Variants in PGLYRP3 observed in about 807,000 individuals in gnomAD.
The protein encoded by PGLYRP3 is peptidoglycan recognition protein 3, also known as peptidoglycan recognition protein I alpha.
A neutral mutation model predicts 36.0 loss-of-function variants in PGLYRP3; 39 were observed. The observed-to-expected ratio is 1.08, with a 90% CI of 0.84 to 1.41. The LOEUF (loss-of-function observed/expected upper bound fraction) is 1.41, where lower values mean the gene tolerates loss of function less well. Among genes scored for constraint, PGLYRP3 ranks in the 40% most tolerant of loss-of-function variants. The pLI, the probability that PGLYRP3 is intolerant of heterozygous loss-of-function variation, is 0.00. For synonymous variants in PGLYRP3, 204 were observed against 172.8 expected, an observed-to-expected ratio of 1.18 and a Z score of -1.42; for missense variants, 407 against 427.9, an observed-to-expected ratio of 0.95 and a Z score of 0.43.
intron 6 of PGLYRP3, among the ~76,000 whole-genome samples, chr1:153,299,762 CA>C (rs1659539815): frequency 6.6e-6 from 1 of 152,196 alleles, no homozygotes; most frequent in Non-Finnish European, 1.5e-5. Flanking sequence ...CAAGCAAACC[CA>C]CCTTCTTCTA....
rs1659466880 is a variant in PGLYRP3, at chr1:153,297,575, AAG to A, written c.*379_*380del. 9.8e-6 allele frequency among the ~76,000 whole-genome samples: 1 copy of A among 102,544 alleles called. No individual in the cohort carries two copies. Among genetic ancestry groups the A allele is most frequent in the East Asian group, 2.2e-4 (1 of 4,516 alleles). 67.3% of individuals were successfully genotyped at this position (102,544 alleles called of 152,430 possible). On this transcript the variant is annotated 3_prime_UTR_variant, in exon 8 of 8. Transcript: ENST00000683862. Reference sequence around the variant, plus strand: ...GGAAAGAAAGAAAAAGAAAGAAAGAAAGAAAGAAGAAAGAAAGAAAGAAAGAA... The same window carrying A: ...GGAAAGAAAGAAAAAGAAAGAAAGAAAAAGAAGAAAGAAAGAAAGAAAGAA...
rs1557805287 is a variant in PGLYRP3, at chr1:153,297,542, G to GAAAGAAAAAGAAA, written c.*413_*414insTTTCTTTTTCTTT. Among the ~76,000 whole-genome samples the GAAAGAAAAAGAAA allele has an allele frequency of 2.2e-5, 2 of 89,496 alleles. No individual in the cohort carries two copies. Among genetic ancestry groups the GAAAGAAAAAGAAA allele is most frequent in the African/African-American group, 1.0e-4 (2 of 19,996 alleles). 58.7% of individuals were successfully genotyped at this position (89,496 alleles called of 152,430 possible). The stretch of plus-strand genomic sequence containing the variant: ...AGGAAGGAAGGAAGGAAGGAAGGAA[G>GAAAGAAAAAGAAA]GAAGGAAGGAAAGAAAGAAAAAGAA... On this transcript the variant is annotated 3_prime_UTR_variant, in exon 8 of 8. Coordinates refer to ENST00000683862, the MANE Select transcript of PGLYRP3 (RefSeq NM_052891.3).
chr1:153,302,286 T>C (rs1362826494), intron 6 of PGLYRP3, 123 bp downstream of exon 6: 4 of 1,036,832 alleles, frequency 3.9e-6, no homozygotes, highest in African/African-American at 1.6e-5. Context: ...AAATAAAATA[T>C]GATGCCTTAT....
Position 153,307,122 on chromosome 1 carries a change from C to A in PGLYRP3, c.201G>T (p.Leu67=). The part of the protein sequence containing the change: ...CQQQSVCSQM[L]RGLQSHSVYT... The stretch of plus-strand genomic sequence containing the variant: ...AGACGGAATGGGACTGCAACCCCCG[C>A]AGCATCTGGCTGCAAACGCTCTGCT... The change falls in exon 3 of 8, where the codon CTG becomes CTT. Residue 67 remains leucine (L), a synonymous_variant. Coordinates refer to ENST00000683862, the MANE Select transcript of PGLYRP3 (RefSeq NM_052891.3). The A allele has an allele frequency of 6.2e-7, 1 of 1,613,568 alleles. No homozygotes were observed. Among genetic ancestry groups the A allele is most frequent in the South Asian group, 1.1e-5 (1 of 90,914 alleles).
chr1:153,298,657 A>AAATG lies in PGLYRP3; in HGVS notation c.847+455_847+456insCATT, dbSNP rs756746843. On this transcript the variant is annotated intron_variant, in intron 7 of 7. Coordinates refer to ENST00000683862, the MANE Select transcript of PGLYRP3 (RefSeq NM_052891.3). The stretch of plus-strand genomic sequence containing the variant: ...GACTCCATCTCAAAAATAAATAAAT[A>AAATG]AATATAAAAAACTGTTCTGGAGGAG... 3.3e-5 allele frequency among the ~76,000 whole-genome samples: 5 copies of AAATG among 152,182 alleles called. No homozygotes were observed. The South Asian group carries it at 8.3e-4, about 25-fold the overall frequency.
chr1:153,298,800 A>G (rs1463294862), intron 7 of PGLYRP3, among the ~76,000 whole-genome samples: 2 of 152,216 alleles, frequency 1.3e-5, no homozygotes, highest in Non-Finnish European at 2.9e-5. Flanking sequence ...CATGGCTAAC[A>G]AGAAAGGGGA....
chr1:153,298,709 A>G lies in PGLYRP3; in HGVS notation c.847+404T>C, dbSNP rs1007153072. Among the ~76,000 whole-genome samples the G allele has an allele frequency of 3.3e-5, 5 of 152,122 alleles. No homozygotes were observed. The East Asian group carries it at 7.7e-4, about 23-fold the overall frequency. Reference sequence around the variant, plus strand: ...ACTGCAGCACAACACACCACTTCTGAGCAGGTATAAAGCAGATACAGCACC... The same window carrying G: ...ACTGCAGCACAACACACCACTTCTGGGCAGGTATAAAGCAGATACAGCACC... On this transcript the variant is annotated intron_variant, in intron 7 of 7. Coordinates refer to ENST00000683862, the MANE Select transcript of PGLYRP3 (RefSeq NM_052891.3).
Position 153,307,231 on chromosome 1 carries a change from G to A in PGLYRP3, c.92C>T (p.Ala31Val). The change falls in exon 3 of 8, where the codon GCA (alanine) becomes GTA (valine). Residue 31 changes from alanine to valine, a missense_variant. Physicochemically the swap from Ala to Val is moderately conservative, Grantham distance 64. Transcript: ENST00000683862. Reference sequence around the variant, plus strand: ...CAGGGCCCTGCAGGCGAGCGGTCTTGCCCCCCACTCCTTGCGGGAGACGAT... The same window carrying A: ...CAGGGCCCTGCAGGCGAGCGGTCTTACCCCCCACTCCTTGCGGGAGACGAT... Reference protein sequence around the residue: ...PTIVSRKEWGARPLACRALLT... With the variant: ...PTIVSRKEWGVRPLACRALLT... 6.2e-7 allele frequency: 1 copy of A among 1,609,914 alleles called. No homozygotes were observed. The highest frequency in any genetic ancestry group is 1.7e-4 in the Middle Eastern group (1 of 5,792).
At chr1:153,298,330 C>T (rs947910429) in intron 7 of PGLYRP3, among the ~76,000 whole-genome samples, 196 bp from the exon 8 acceptor site, 7 of 152,048 alleles carry the variant, frequency 4.6e-5, no homozygotes, top group South Asian at 4.1e-4. Context: ...CTGATTCCTC[C>T]GTGCCAAAGT....
intron 4 of PGLYRP3, among the ~76,000 whole-genome samples, chr1:153,304,676 A>G (rs1659691171): frequency 6.6e-6 from 1 of 152,266 alleles, no homozygotes; most frequent in South Asian, 2.1e-4. Context: ...AGACAACCTC[A>G]GACTTTAGAA....
chr1:153,303,844 T>C lies in PGLYRP3; in HGVS notation c.529+13A>G. The C allele has an allele frequency of 6.2e-7, 1 of 1,602,132 alleles. No homozygotes were observed. Among genetic ancestry groups the C allele is most frequent in the Non-Finnish European group, 8.5e-7 (1 of 1,171,436 alleles). ...TGACGAGGAGGAGGGTGAGGTGACA[T>C]GGAGGGTCTTACCCTTCCTGGGCAT... On this transcript the variant is annotated intron_variant, in intron 5 of 7. Transcript: ENST00000683862.
At position 153,307,309 on chromosome 1, in the gene PGLYRP3, C is replaced by T. The variant is rs763782880; in HGVS notation, c.56-42G>A. ...AGAATGGCACATAGCAGGCCCTGCC[C>T]ATCTTCCCCCAACAGGTCGACCATG... On this transcript the variant is annotated intron_variant, in intron 2 of 7. Coordinates refer to ENST00000683862, the MANE Select transcript of PGLYRP3 (RefSeq NM_052891.3). The T allele has an allele frequency of 3.3e-6, 5 of 1,537,396 alleles. No individual in the cohort carries two copies. The African/African-American group carries it at 6.9e-5, about 21-fold the overall frequency.
At position 153,304,852 on chromosome 1, in the gene PGLYRP3, G is replaced by C. The variant is rs549025203; in HGVS notation, c.376+95C>G. ...GGTGATCATCAGAGAAGGTAAGTAT[G>C]ATGTAGGGTAAAAAGATGAGTGTTG... On this transcript the variant is annotated intron_variant, in intron 4 of 7. Transcript: ENST00000683862. 11 of 879,170 alleles carry C rather than the reference G, an allele frequency of 1.3e-5. No homozygotes were observed. In the South Asian group the frequency reaches 1.8e-4, roughly 15 times the overall value. 54.5% of individuals were successfully genotyped at this position (879,170 alleles called of 1,614,324 possible). A position where few individuals can be genotyped will look rare whatever the true frequency, so the allele number is the denominator to read the frequency against.
chr1:153,307,326 T>C, intron 2 of PGLYRP3, 59 bp from the exon 3 acceptor site: 1 of 1,501,258 alleles, frequency 6.7e-7, no homozygotes, highest in Non-Finnish European at 9.0e-7. Context: ...CCCCAACAGG[T>C]CGACCATGTG....
intron 2 of PGLYRP3, among the ~76,000 whole-genome samples, chr1:153,308,504 G>A (rs189041805): frequency 6.0e-4 from 91 of 152,196 alleles, no homozygotes; most frequent in African/African-American, 2.1e-3. Flanking sequence ...TCTCCAAACC[G>A]CCTCACCATT....
intron 5 of PGLYRP3, among the ~76,000 whole-genome samples, chr1:153,302,942 C>T (rs147738428): frequency 6.6e-6 from 1 of 152,186 alleles, no homozygotes; most frequent in Admixed American, 6.5e-5. Flanking sequence ...CAGGTATGTG[C>T]GCTTATGTAA....
chr1:153,307,174 T>C lies in PGLYRP3; in HGVS notation c.149A>G (p.Asp50Gly). The C allele has an allele frequency of 1.9e-6, 3 of 1,612,146 alleles. No individual in the cohort carries two copies. The highest frequency in any genetic ancestry group is 1.3e-5 in the African/African-American group (1 of 75,008). ...LTLPVAYIIT[D>G]QLPGMQCQQQ... ...CTGGCACTGCATCCCTGGGAGCTGGTCTGTGATGATGTAGGCCACAGGCAG... is the reference window on the plus strand; with the variant it reads ...CTGGCACTGCATCCCTGGGAGCTGGCCTGTGATGATGTAGGCCACAGGCAG... Residue 50 changes from aspartate to glycine, a missense_variant, in exon 3 of 8, where the codon GAC becomes GGC. By Grantham distance (94) the Asp-to-Gly change is moderately conservative (BLOSUM62 -1). Transcript: ENST00000683862.
At chr1:153,303,571 T>C (rs1043265957) in intron 5 of PGLYRP3, among the ~76,000 whole-genome samples, 2 of 152,250 alleles carry the variant, frequency 1.3e-5, no homozygotes, top group African/African-American at 4.8e-5. Flanking sequence ...GTATGCTCAG[T>C]ACTTAGAACA....
chr1:153,301,264 T>C (rs1047756737), intron 6 of PGLYRP3, among the ~76,000 whole-genome samples: 14 of 152,200 alleles, frequency 9.2e-5, no homozygotes, highest in Admixed American at 2.6e-4. Flanking sequence ...TGTTGTTAGA[T>C]TGATATATCT....
Sources: allele counts gnomAD v4.1 joint callset (sites outside exome capture counted in the v4.1 genomes callset), GRCh38; gene constraint gnomAD v4.1.1; transcripts MANE v1.5; gene names NCBI Gene and HGNC (gene_info 2026-07-23, HGNC 2026-07-21).